The following CPQ variants were observed in gnomAD, a reference collection of about 807,000 sequenced individuals.
CPQ encodes the protein carboxypeptidase Q.
A neutral mutation model predicts 45.7 loss-of-function variants in CPQ; 37 were observed. The ratio of observed to expected loss-of-function variants is 0.81; its 90% CI spans 0.62 to 1.07. The LOEUF (loss-of-function observed/expected upper bound fraction) is 1.07, where lower values mean the gene tolerates loss of function less well. Ranked by LOEUF, CPQ falls within the 50% of genes least tolerant of loss-of-function variation. The pLI is 0.00. For missense variants in CPQ, 537 were observed against 572.9 expected (o/e 0.94, Z 0.64); for synonymous variants, 186 against 205.8 (o/e 0.90, Z 0.82).
intron 3 of CPQ, among the ~76,000 whole-genome samples, chr8:96,871,846 G>C (rs4735442): frequency 0.51 from 77,950 of 151,498 alleles, 20,570 homozygotes; most frequent in African/African-American, 0.62. Flanking sequence ...TGAAGTTTCT[G>C]TCCTGGGTTT....
At chr8:96,755,847 G>A (rs1483480968) in intron 1 of CPQ, among the ~76,000 whole-genome samples, 1 of 151,804 alleles carries the variant, frequency 6.6e-6, no homozygotes, top group Non-Finnish European at 1.5e-5. Flanking sequence ...ATAAACACAA[G>A]CATAAAAGCA....
intron 1 of CPQ, among the ~76,000 whole-genome samples, chr8:96,711,024 C>T (rs927167765): frequency 1.8e-4 from 27 of 152,196 alleles, no homozygotes; most frequent in Middle Eastern, 3.4e-3. Flanking sequence ...AATGTGGGAG[C>T]GCCAGAGTTA....
At chr8:96,803,559 A>T (rs1241366874) in intron 2 of CPQ, among the ~76,000 whole-genome samples, 1 of 152,150 alleles carries the variant, frequency 6.6e-6, no homozygotes, top group Non-Finnish European at 1.5e-5. Flanking sequence ...TTGTGGAGGT[A>T]AGTTAGCTGA....
intron 5 of CPQ, among the ~76,000 whole-genome samples, chr8:96,992,587 G>T (rs915151624): frequency 1.3e-5 from 2 of 152,090 alleles, no homozygotes; most frequent in Non-Finnish European, 2.9e-5. Context: ...TCTCCTTATT[G>T]TATAATAGGG....
chr8:96,968,762 G>C (rs1586472226), intron 5 of CPQ, among the ~76,000 whole-genome samples: 1 of 152,226 alleles, frequency 6.6e-6, no homozygotes, highest in East Asian at 1.9e-4. Context: ...CTTCTTCTTT[G>C]TCTTCCCCTC....
chr8:96,816,030 G>A (rs1811224819), intron 2 of CPQ, among the ~76,000 whole-genome samples: 1 of 152,028 alleles, frequency 6.6e-6, no homozygotes, highest in Non-Finnish European at 1.5e-5. Context: ...GGGTGGCTGT[G>A]GCAATTTCTT....
chr8:96,855,189 C>G (rs191010454), intron 3 of CPQ, among the ~76,000 whole-genome samples: 12 of 152,262 alleles, frequency 7.9e-5, no homozygotes, highest in African/African-American at 2.9e-4. Context: ...AAATGATAAT[C>G]TCTTCCAAAA....
chr8:96,739,889 G>A (rs1345137538), intron 1 of CPQ, among the ~76,000 whole-genome samples: 5 of 152,132 alleles, frequency 3.3e-5, no homozygotes, highest in Admixed American at 6.5e-5. Context: ...TTGAAGTCAG[G>A]TAGTGTGATG....
chr8:97,110,651 C>CT (rs1182600313), intron 7 of CPQ, among the ~76,000 whole-genome samples: 1 of 152,124 alleles, frequency 6.6e-6, no homozygotes, highest in Non-Finnish European at 1.5e-5. Context: ...TCCTTCTTGG[C>CT]TTTTTTTGGC....
intron 1 of CPQ, among the ~76,000 whole-genome samples, chr8:96,781,320 T>C (rs1390728277): frequency 1.3e-5 from 2 of 152,244 alleles, no homozygotes; most frequent in African/African-American, 4.8e-5. Flanking sequence ...AAGTCCAAGA[T>C]TGAGGGGCCA....
intron 1 of CPQ, among the ~76,000 whole-genome samples, chr8:96,748,975 C>T (rs1810225293): frequency 6.6e-6 from 1 of 152,122 alleles, no homozygotes; most frequent in Middle Eastern, 3.2e-3. Flanking sequence ...TTCTGACCCT[C>T]ATAGAAATAA....
chr8:96,837,815 G>T (rs1811550822), intron 3 of CPQ, among the ~76,000 whole-genome samples: 1 of 151,868 alleles, frequency 6.6e-6, no homozygotes, highest in Admixed American at 6.6e-5. Context: ...AAGTCACATG[G>T]TCCTTTATTG....
intron 1 of CPQ, among the ~76,000 whole-genome samples, chr8:96,760,082 C>T (rs1218815913): frequency 6.6e-6 from 1 of 152,136 alleles, no homozygotes; most frequent in Non-Finnish European, 1.5e-5. Flanking sequence ...CATGGTTTTA[C>T]TGGACTGAGC....
intron 4 of CPQ, among the ~76,000 whole-genome samples, chr8:96,909,784 C>G (rs7014162): frequency 0.62 from 94,265 of 152,050 alleles, 29,850 homozygotes; most frequent in African/African-American, 0.75. Context: ...AACATTTATA[C>G]AGGGAGGTGA....
chr8:96,808,065 T>G (rs1349496294), intron 2 of CPQ, among the ~76,000 whole-genome samples: 1 of 152,218 alleles, frequency 6.6e-6, no homozygotes, highest in Non-Finnish European at 1.5e-5. Flanking sequence ...ACTGAGATCA[T>G]GACTGCATCT....
At chr8:96,929,227 G>A (rs1040922683) in intron 4 of CPQ, among the ~76,000 whole-genome samples, 1 of 152,252 alleles carries the variant, frequency 6.6e-6, no homozygotes, top group Non-Finnish European at 1.5e-5. Flanking sequence ...CCCTTTCAAA[G>A]GCAAAGGAAT....
intron 7 of CPQ, among the ~76,000 whole-genome samples, chr8:97,126,542 T>C (rs1012202613): frequency 1.3e-5 from 2 of 152,182 alleles, no homozygotes; most frequent in African/African-American, 2.4e-5. Context: ...TACAAACATA[T>C]GCTGCTAGAA....
At chr8:96,853,223 A>G (rs1811794306) in intron 3 of CPQ, among the ~76,000 whole-genome samples, 1 of 152,200 alleles carries the variant, frequency 6.6e-6, no homozygotes, top group Non-Finnish European at 1.5e-5. Context: ...TGTCATGGGA[A>G]GGTATTTAGT....
intron 4 of CPQ, among the ~76,000 whole-genome samples, chr8:96,923,665 G>A (rs1812837754): frequency 6.6e-6 from 1 of 152,126 alleles, no homozygotes; most frequent in Admixed American, 6.5e-5. Context: ...CCCTGGCCAA[G>A]CTAGGATGAT....
Sources: allele counts gnomAD v4.1 joint callset (sites outside exome capture counted in the v4.1 genomes callset), GRCh38; gene constraint gnomAD v4.1.1; transcripts MANE v1.5; gene names NCBI Gene and HGNC (gene_info 2026-07-23, HGNC 2026-07-21).